Variants in PRSS23 observed in about 807,000 individuals in gnomAD.
PRSS23 encodes serine protease 23.
PRSS23 carries 25 observed loss-of-function variants against 34.7 expected under a neutral mutation model. The observed-to-expected ratio is 0.72, with a 90% CI of 0.53 to 1.01. The LOEUF is 1.01. Among genes scored for constraint, PRSS23 ranks in the 50% least tolerant of loss-of-function variants. The pLI, the probability that PRSS23 is intolerant of heterozygous loss-of-function variation, is 0.00. For missense variants in PRSS23, 445 were observed against 475.6 expected (o/e 0.94, Z 0.60); for synonymous variants, 176 against 186.6 (o/e 0.94, Z 0.46).
At chr11:86,818,021 C>T (rs1023633950) in intron 1 of PRSS23, among the ~76,000 whole-genome samples, 11 of 152,176 alleles carry the variant, frequency 7.2e-5, no homozygotes, top group African/African-American at 1.2e-4. Flanking sequence ...GATTGGGAGT[C>T]AGGAGCCTCA....
At chr11:86,845,640 A>T (rs1462836051) in intron 2 of PRSS23, among the ~76,000 whole-genome samples, 1 of 152,182 alleles carries the variant, frequency 6.6e-6, no homozygotes, top group African/African-American at 2.4e-5. Flanking sequence ...TCAGTCCTGG[A>T]TGAATAATAT....
At chr11:86,952,553 A>ATGCT in exon 3 of PRSS23, 1 of 1,488,112 alleles carries the variant, frequency 6.7e-7, no homozygotes, top group Non-Finnish European at 9.2e-7. Context: ...GCTGAGTTGA[A>ATGCT]TGCTTCCAGG....
At chr11:86,936,239 GAATATT>G (rs753991696) in intron 2 of PRSS23, 2 of 152,122 alleles carry the variant, frequency 1.3e-5, no homozygotes, top group Non-Finnish European at 2.9e-5. Context: ...CTAACCTAAA[GAATATT>G]AATATCATTT....
intron 2 of PRSS23, among the ~76,000 whole-genome samples, chr11:86,927,894 T>C (rs528506548): frequency 9.5e-4 from 144 of 151,690 alleles, no homozygotes; most frequent in African/African-American, 3.1e-3. Flanking sequence ...TGAGCTGAGA[T>C]TGCACCACTG....
chr11:86,844,696 T>C (rs947192518), intron 2 of PRSS23, among the ~76,000 whole-genome samples: 2 of 152,338 alleles, frequency 1.3e-5, no homozygotes, highest in Non-Finnish European at 2.9e-5. Flanking sequence ...AATAGAATCA[T>C]AGGACCCACG....
At chr11:86,889,765 C>G (rs2134971029) in intron 2 of PRSS23, among the ~76,000 whole-genome samples, 1 of 152,328 alleles carries the variant, frequency 6.6e-6, no homozygotes, top group South Asian at 2.1e-4. Context: ...ACCTGTCACT[C>G]CGAGACTTAT....
Position 86,837,255 on chromosome 11 carries a change from T to A in PRSS23, c.206+13662T>A, listed in dbSNP as rs1948414145. ...ATAGATTGCCACAAGTTCCCTTGATTTAGAACATTTATAAACACTGTGTAA... is the reference window on the plus strand; with the variant it reads ...ATAGATTGCCACAAGTTCCCTTGATATAGAACATTTATAAACACTGTGTAA... On this transcript the variant is annotated intron_variant, in intron 2 of 2. Transcript: ENST00000533902. The A allele has an allele frequency of 2.0e-5, 3 of 152,260 alleles. No individual in the cohort carries two copies. The South Asian group carries it at 6.2e-4, about 31-fold the overall frequency. The allele number at this position is 152,260 out of a possible 1,614,324, so 9.4% of individuals were successfully genotyped here.
chr11:86,936,707 C>G (rs1949165253), intron 2 of PRSS23: 1 of 151,994 alleles, frequency 6.6e-6, no homozygotes, highest in Non-Finnish European at 1.5e-5. Flanking sequence ...AGTTTGAGAC[C>G]AGCCTGGGAA....
At chr11:86,826,826 C>T (rs1948305234) in intron 2 of PRSS23, among the ~76,000 whole-genome samples, 1 of 152,198 alleles carries the variant, frequency 6.6e-6, no homozygotes, top group African/African-American at 2.4e-5. Flanking sequence ...ACGAGCCTTG[C>T]ATCCCAGGGA....
chr11:86,800,631 C>T lies in PRSS23; in HGVS notation c.-34C>T. ...CTGAGCGGCGCAGCGAGCCGCGGCC[C>T]GGGCGGGCTGCTCGGCGCGGGTGAG... On this transcript the variant is annotated 5_prime_UTR_variant, in exon 1 of 2. Coordinates refer to ENST00000280258, the MANE Select transcript of PRSS23 (RefSeq NM_007173.6). 3 of 985,106 alleles carry T rather than the reference C, an allele frequency of 3.0e-6. No individual in the cohort carries two copies. The highest frequency in any genetic ancestry group is 3.6e-6 in the Non-Finnish European group (3 of 829,822). The allele number at this position is 985,106 out of a possible 1,614,324, so 61.0% of individuals were successfully genotyped here.
At chr11:86,891,313 TG>T (rs1948839582) in intron 2 of PRSS23, among the ~76,000 whole-genome samples, 1 of 152,252 alleles carries the variant, frequency 6.6e-6, no homozygotes, top group Non-Finnish European at 1.5e-5. Context: ...ATGGTTTTAT[TG>T]CCCCCTCAGT....
chr11:86,870,039 G>GA (rs1256575318), intron 2 of PRSS23, among the ~76,000 whole-genome samples: 1 of 152,156 alleles, frequency 6.6e-6, no homozygotes, highest in Non-Finnish European at 1.5e-5. Context: ...TGAGTAAAGG[G>GA]AAAAAATGAA....
intron 2 of PRSS23, chr11:86,949,673 T>G (rs374454479): frequency 1.3e-5 from 2 of 152,792 alleles, no homozygotes; most frequent in African/African-American, 4.8e-5. Context: ...ATGCATAAAT[T>G]TTAAAAGCTT....
intron 2 of PRSS23, among the ~76,000 whole-genome samples, chr11:86,828,198 T>C (rs1948319475): frequency 6.6e-6 from 1 of 152,242 alleles, no homozygotes; most frequent in South Asian, 2.1e-4. Context: ...TGCATATATA[T>C]TTAGGATAGT....
intron 2 of PRSS23, among the ~76,000 whole-genome samples, chr11:86,861,494 G>A (rs746982548): frequency 1.6e-4 from 24 of 151,664 alleles, no homozygotes; most frequent in African/African-American, 3.4e-4. Flanking sequence ...TCCCTATATC[G>A]CAGAAGGTGT....
chr11:86,848,371 C>T (rs1486208105), intron 2 of PRSS23, among the ~76,000 whole-genome samples: 1 of 152,166 alleles, frequency 6.6e-6, no homozygotes, highest in East Asian at 1.9e-4. Flanking sequence ...GAAAAATTGC[C>T]CACAGGGGAA....
At chr11:86,941,413 TTATC>T (rs1949206628) in intron 2 of PRSS23, among the ~76,000 whole-genome samples, 1 of 152,196 alleles carries the variant, frequency 6.6e-6, no homozygotes, top group Non-Finnish European at 1.5e-5. Flanking sequence ...TATGTCTTAT[TTATC>T]TGTGTCCCCT....
chr11:86,941,606 C>T (rs558121145), intron 2 of PRSS23, among the ~76,000 whole-genome samples: 5 of 152,204 alleles, frequency 3.3e-5, no homozygotes, highest in African/African-American at 2.4e-5. Context: ...AGTTGGACTT[C>T]GTATTTCCTA....
At chr11:86,921,632 G>C (rs766897755) in intron 2 of PRSS23, 1 of 152,174 alleles carries the variant, frequency 6.6e-6, no homozygotes, top group Non-Finnish European at 1.5e-5. Context: ...CCCAGTGGGA[G>C]ATTTCCCAGT....
Sources: gnomAD v4.1 joint callset for allele counts (sites outside exome capture counted in the v4.1 genomes callset) on GRCh38, gnomAD v4.1.1 for gene constraint, MANE v1.5 for transcripts, NCBI Gene and HGNC (gene_info 2026-07-23, HGNC 2026-07-21) for gene names.